The following SNX9 variants were observed in gnomAD, a reference collection of about 807,000 sequenced individuals.
The protein encoded by SNX9 is sorting nexin-9.
Under a neutral mutation model 89.4 loss-of-function variants are expected in SNX9, and 44 were observed. The observed-to-expected ratio is 0.49, with a 90% CI of 0.39 to 0.63. The LOEUF is 0.63. SNX9 is among the 30% of genes least tolerant of loss of function. SNX9 has a pLI of 0.00. For synonymous variants in SNX9, 236 were observed against 247.8 expected (o/e 0.95, Z 0.45); for missense variants, 578 against 736.1 (o/e 0.79, Z 2.49).
chr6:157,933,970 G>A (rs1783869579), intron 13 of SNX9, among the ~76,000 whole-genome samples: 1 of 152,220 alleles, frequency 6.6e-6, no homozygotes. Context: ...TTTTAAGGAA[G>A]CATTCAAGTT....
chr6:157,861,470 A>G (rs1782119706), intron 1 of SNX9, among the ~76,000 whole-genome samples: 1 of 152,234 alleles, frequency 6.6e-6, no homozygotes, highest in African/African-American at 2.4e-5. Flanking sequence ...CCCAGCAAGA[A>G]AAGATAAGGG....
chr6:157,826,815 AATATATATTATATTTTAT>A (rs1279471707), intron 1 of SNX9, among the ~76,000 whole-genome samples: 9 of 107,392 alleles, frequency 8.4e-5, no homozygotes, highest in South Asian at 7.3e-4. Context: ...TTTATATATA[AATATATATTATATTTTAT>A]ATATATATTA....
rs367685339 is a variant in SNX9, at chr6:157,882,116, C to CT, written c.300+6943dup. Among the ~76,000 whole-genome samples, 30 of 152,270 alleles carry CT rather than the reference C, an allele frequency of 2.0e-4. 1 individual carries two copies. Among genetic ancestry groups the CT allele is most frequent in the African/African-American group, 7.0e-4 (29 of 41,554 alleles). ...TTTAAGGGGCTAATGCGGCTGGTAA[C>CT]TTTATGTTGAAACCAGTGCTCGTTT... On this transcript the variant is annotated intron_variant, in intron 4 of 17. Coordinates refer to ENST00000392185, the MANE Select transcript of SNX9 (RefSeq NM_016224.5).
In SNX9 at chr6:157,916,420, C is replaced by G. The variant is rs544323988; in HGVS notation, c.950-5111C>G. ...TTTCCAATCCATGGGCCTTCTACTT[C>G]TGTTTCTGCCTTATTGCACTTGCTA... On this transcript the variant is annotated intron_variant, in intron 9 of 17. Transcript: ENST00000392185. Among the ~76,000 whole-genome samples the G allele has an allele frequency of 1.1e-4, 17 of 152,320 alleles. No homozygotes were observed. The South Asian group carries it at 1.7e-3, about 15-fold the overall frequency.
At position 157,877,109 on chromosome 6, in the gene SNX9, C is replaced by T. The variant is rs144676279; in HGVS notation, c.300+1933C>T. Among the ~76,000 whole-genome samples the T allele has an allele frequency of 7.1e-3, 1,077 of 152,202 alleles. 6 individuals carry two copies. Among genetic ancestry groups the T allele is most frequent in the Admixed American group, 0.014 (219 of 15,296 alleles). Reference sequence around the variant, plus strand: ...TCTAGGGACTGACCAGCTATTATCTCAAGATAGGTGGAGGCAGTTTAGCTA... The same window carrying T: ...TCTAGGGACTGACCAGCTATTATCTTAAGATAGGTGGAGGCAGTTTAGCTA... On this transcript the variant is annotated intron_variant, in intron 4 of 17. Transcript: ENST00000392185.
At chr6:157,893,608 T>TTGTG (rs3047741) in intron 4 of SNX9, among the ~76,000 whole-genome samples, 20,018 of 148,706 alleles carry the variant, frequency 0.13, 1,585 homozygotes, top group African/African-American at 0.22. Flanking sequence ...CTAGCACCAT[T>TTGTG]TGTGTGTGTG....
rs1203145702 is a variant in SNX9 at position 157,823,383 on chromosome 6, T to G, written c.-52T>G. 5 of 1,264,054 alleles carry G rather than the reference T, an allele frequency of 4.0e-6. No individual in the cohort carries two copies. The highest frequency in any genetic ancestry group is 3.4e-5 in the Admixed American group (1 of 29,682). The allele number at this position is 1,264,054 out of a possible 1,614,324, so 78.3% of individuals were successfully genotyped here. A position where few individuals can be genotyped will look rare whatever the true frequency, so the allele number is the denominator to read the frequency against. The stretch of plus-strand genomic sequence containing the variant: ...TTGCCTGCGCGGCTCAGAATCACCA[T>G]CCGCGGCGCGGGAGACGAGCCGGCC... On this transcript the variant is annotated 5_prime_UTR_variant, in exon 1 of 18. Transcript: ENST00000392185. This position sits in a 1 kb window ranked among gnomAD's most constrained non-coding sequence, Gnocchi z 4.6.
At position 157,910,072 on chromosome 6, in the gene SNX9, C is replaced by T. The variant is rs536894565; in HGVS notation, c.949+47C>T. The T allele has an allele frequency of 4.9e-5, 70 of 1,423,078 alleles. No individual in the cohort carries two copies. In the East Asian group the frequency reaches 1.5e-3, roughly 30 times the overall value. 88.2% of individuals were successfully genotyped at this position (1,423,078 alleles called of 1,614,324 possible). On this transcript the variant is annotated intron_variant, in intron 9 of 17. Coordinates refer to ENST00000392185, the MANE Select transcript of SNX9 (RefSeq NM_016224.5). ...CCCAGGATGACAAATAGAAAGACTC[C>T]AGTCAGATTATCTTCCTGTAAGTCA...
At chr6:157,876,745 A>AGCCTCATT (rs1404916781) in intron 4 of SNX9, among the ~76,000 whole-genome samples, 1 of 152,226 alleles carries the variant, frequency 6.6e-6, no homozygotes, top group Non-Finnish European at 1.5e-5. Context: ...TCTCAACCTG[A>AGCCTCATT]GCCTCATTGC....
chr6:157,892,143 A>G (rs965373662), intron 4 of SNX9, among the ~76,000 whole-genome samples: 1 of 152,180 alleles, frequency 6.6e-6, no homozygotes, highest in African/African-American at 2.4e-5. Flanking sequence ...AAGGACAGAG[A>G]GGCGCCACAG....
At chr6:157,938,816 A>C in intron 16 of SNX9, 69 bp downstream of exon 16, 1 of 1,191,352 alleles carries the variant, frequency 8.4e-7, no homozygotes, top group Non-Finnish European at 1.2e-6. Context: ...TTCCCTTGAT[A>C]GAGAGAAATC....
intron 6 of SNX9, among the ~76,000 whole-genome samples, chr6:157,904,974 A>G (rs560109278): frequency 1.5e-4 from 23 of 152,326 alleles, no homozygotes; most frequent in South Asian, 6.2e-4. Flanking sequence ...TTAGTTGCCA[A>G]TGACTGAAAT....
At chr6:157,844,593 T>TTTTTG (rs1781766208) in intron 1 of SNX9, among the ~76,000 whole-genome samples, 1 of 137,228 alleles carries the variant, frequency 7.3e-6, no homozygotes, top group African/African-American at 2.9e-5. Context: ...CCTTGTTTTT[T>TTTTTG]TTTTTTGTTT....
chr6:157,930,026 T>C (rs945539072), intron 12 of SNX9, among the ~76,000 whole-genome samples: 1 of 152,064 alleles, frequency 6.6e-6, no homozygotes, highest in South Asian at 2.1e-4. Flanking sequence ...AATGGTAGAG[T>C]TGAGTAGTTT....
chr6:157,841,980 C>G (rs1327341346), intron 1 of SNX9, among the ~76,000 whole-genome samples: 1 of 152,172 alleles, frequency 6.6e-6, no homozygotes, highest in African/African-American at 2.4e-5. Flanking sequence ...TTCCTCTAGC[C>G]TCCCCTCCCC....
chr6:157,842,114 C>T (rs1781715162), intron 1 of SNX9, among the ~76,000 whole-genome samples: 1 of 152,128 alleles, frequency 6.6e-6, no homozygotes, highest in South Asian at 2.1e-4. Flanking sequence ...CTTAAAAATT[C>T]AGAATACATT....
chr6:157,833,955 A>G (rs1160052546), intron 1 of SNX9, among the ~76,000 whole-genome samples: 1 of 152,124 alleles, frequency 6.6e-6, no homozygotes, highest in Non-Finnish European at 1.5e-5. Flanking sequence ...GCAAGGAGAC[A>G]GGAGTTGGAC....
chr6:157,922,215 G>A (rs549468741), intron 10 of SNX9, among the ~76,000 whole-genome samples: 12 of 152,150 alleles, frequency 7.9e-5, no homozygotes, highest in Non-Finnish European at 1.6e-4. Context: ...TTAAAATCAA[G>A]GAAACGTTGG....
rs113428860 is a variant in SNX9, at chr6:157,942,685, T to C, written c.1741-106T>C. 8.5e-4 allele frequency: 1,042 copies of C among 1,219,244 alleles called. 6 individuals are homozygous for C. In the African/African-American group the frequency reaches 9.2e-3, roughly 11 times the overall value. 75.5% of individuals were successfully genotyped at this position (1,219,244 alleles called of 1,614,324 possible). A position where few individuals can be genotyped will look rare whatever the true frequency, so the allele number is the denominator to read the frequency against. On this transcript the variant is annotated intron_variant, in intron 17 of 17. Coordinates refer to ENST00000392185, the MANE Select transcript of SNX9 (RefSeq NM_016224.5). ...GGTGCCAAAAAGACCAGTTAAAGAA[T>C]TGGAATTTGTGTCATGTTTAACTTG...
Sources: allele counts gnomAD v4.1 joint callset (sites outside exome capture counted in the v4.1 genomes callset), GRCh38; gene constraint gnomAD v4.1.1; non-coding constraint Gnocchi (gnomAD v3.1); transcripts MANE v1.5; gene names NCBI Gene and HGNC (gene_info 2026-07-23, HGNC 2026-07-21).